TMEM204: variants seen among roughly 807,000 people sequenced by gnomAD.
The protein encoded by TMEM204 is claudin-like protein 24.
In TMEM204, 15 loss-of-function variants were observed where a neutral mutation model predicts 19.4. The observed-to-expected ratio is 0.77, with a 90% CI of 0.52 to 1.19. The LOEUF (loss-of-function observed/expected upper bound fraction) is 1.19. Among genes scored for constraint, TMEM204 ranks in the 50% most tolerant of loss-of-function variants. TMEM204 has a pLI of 0.00. For synonymous variants in TMEM204, 161 were observed against 146.0 expected (o/e 1.10, Z -0.74); for missense variants, 287 against 321.2 (o/e 0.89, Z 0.81).
intron 1 of TMEM204, among the ~76,000 whole-genome samples, chr16:1,535,891 T>C (rs117903220): frequency 0.012 from 1,766 of 152,308 alleles, 34 homozygotes; most frequent in Non-Finnish European, 0.014. Flanking sequence ...CTCGGTGTCT[T>C]ATGGGAAGCC....
At chr16:1,545,939 T>A (rs1357844007) in intron 2 of TMEM204, among the ~76,000 whole-genome samples, 2 of 152,228 alleles carry the variant, frequency 1.3e-5, no homozygotes, top group Non-Finnish European at 2.9e-5. Flanking sequence ...GCAGCTGAAA[T>A]GTGCGGGGAC....
chr16:1,548,506 C>T (rs1252477419), intron 2 of TMEM204, among the ~76,000 whole-genome samples: 2 of 152,226 alleles, frequency 1.3e-5, no homozygotes, highest in African/African-American at 2.4e-5. Flanking sequence ...GAATTGATTC[C>T]ATGGGCAGAA....
intron 2 of TMEM204, among the ~76,000 whole-genome samples, chr16:1,543,359 G>A (rs910676869): frequency 6.6e-6 from 1 of 152,252 alleles, no homozygotes; most frequent in African/African-American, 2.4e-5. Flanking sequence ...GACTGTGGGG[G>A]CAGGTATTCC....
rs2032592831 is a variant in TMEM204, at chr16:1,551,037, G to A, written c.437-3745G>A. ...GGCCAAAGGGCTCTGTCCCTTTGAG[G>A]GGTCCTGGTCACTCAACTGCCAAGG... is the stretch of plus-strand genomic sequence containing the variant. On this transcript the variant is annotated intron_variant, in intron 2 of 2. Transcript: ENST00000566264. This position sits in a 1 kb window ranked among gnomAD's most constrained non-coding sequence, Gnocchi z 4.0. Among the ~76,000 whole-genome samples, 1 of 152,206 alleles carries A rather than the reference G, an allele frequency of 6.6e-6. No homozygotes were observed. The highest frequency in any genetic ancestry group is 1.5e-5 in the Non-Finnish European group (1 of 68,032).
At chr16:1,541,093 T>TCA in intron 1 of TMEM204, 2 of 985,442 alleles carry the variant, frequency 2.0e-6, no homozygotes, top group Non-Finnish European at 2.4e-6. Context: ...TGAAGTTCAC[T>TCA]CACAGAAGGC....
intron 1 of TMEM204, chr16:1,541,017 G>C: frequency 2.0e-6 from 2 of 985,388 alleles, no homozygotes. Context: ...ATTTGCGGGA[G>C]AACATTTCTC....
At chr16:1,549,245 G>A (rs999011545) in intron 2 of TMEM204, among the ~76,000 whole-genome samples, 2 of 152,218 alleles carry the variant, frequency 1.3e-5, no homozygotes, top group African/African-American at 4.8e-5. Context: ...TCTCCACACA[G>A]AAGTCACGTA....
Position 1,554,737 on chromosome 16 carries a change from G to A in TMEM204, c.437-45G>A, listed in dbSNP as rs139314899. ...GAGGGCTGGGGAAGGAGTGGAACCC[G>A]CCTTCCTCTCAGACAAGGCCTCTCA... On this transcript the variant is annotated intron_variant, in intron 2 of 2. Coordinates refer to ENST00000566264, the MANE Select transcript of TMEM204 (RefSeq NM_024600.6). The A allele has an allele frequency of 1.0e-5, 16 of 1,604,066 alleles. No individual in the cohort carries two copies. In the Admixed American group the frequency reaches 1.7e-4, roughly 17 times the overall value.
At chr16:1,535,647 G>T (rs2030989095) in intron 1 of TMEM204, among the ~76,000 whole-genome samples, 1 of 152,198 alleles carries the variant, frequency 6.6e-6, no homozygotes, top group Admixed American at 6.5e-5. Flanking sequence ...CCTCAGCGGG[G>T]AATGTCATCC....
rs568853020 is a variant in TMEM204 at position 1,553,833 on chromosome 16, G to A, written c.437-949G>A. ...CTGGATTAGGACGCCCGGCTCCATC[G>A]CTGCGGCCACAGTGTCCTGTTATCC... On this transcript the variant is annotated intron_variant, in intron 2 of 2. Transcript: ENST00000566264. The surrounding 1 kb of genome is among the most constrained non-coding windows in gnomAD (Gnocchi z 4.4). The A allele has an allele frequency of 1.1e-5, 13 of 1,209,754 alleles. No homozygotes were observed. The highest frequency in any genetic ancestry group is 1.6e-5 in the African/African-American group (1 of 63,302). The allele number at this position is 1,209,754 out of a possible 1,614,324, so 74.9% of individuals were successfully genotyped here. A position where few individuals can be genotyped will look rare whatever the true frequency, so the allele number is the denominator to read the frequency against.
intron 1 of TMEM204, among the ~76,000 whole-genome samples, chr16:1,537,655 A>AG (rs2031206307): frequency 6.6e-6 from 1 of 152,270 alleles, no homozygotes; most frequent in East Asian, 1.9e-4. Flanking sequence ...CCATGTCCAG[A>AG]GGGGGTCTCA....
intron 2 of TMEM204, among the ~76,000 whole-genome samples, chr16:1,543,412 A>G (rs2031842903): frequency 6.6e-6 from 1 of 152,136 alleles, no homozygotes; most frequent in African/African-American, 2.4e-5. Context: ...GGGCTCTCTG[A>G]GCGCTATTAA....
intron 2 of TMEM204, among the ~76,000 whole-genome samples, chr16:1,543,613 A>G (rs577588062): frequency 7.3e-4 from 111 of 152,332 alleles, no homozygotes; most frequent in Non-Finnish European, 1.1e-3. Flanking sequence ...CCCAACTTCG[A>G]AAAGGGTAAT....
chr16:1,550,301 C>T (rs1462474755), intron 2 of TMEM204, among the ~76,000 whole-genome samples: 1 of 152,204 alleles, frequency 6.6e-6, no homozygotes, highest in Non-Finnish European at 1.5e-5. Context: ...GAGGCCTGAG[C>T]TCGTGTTTAT....
At position 1,534,559 on chromosome 16, in the gene TMEM204, A is replaced by AGTCCAATTGTTTTCCTGAT. The variant is rs1206927470; in HGVS notation, c.280+6_280+24dup. 6.2e-7 allele frequency: 1 copy of AGTCCAATTGTTTTCCTGAT among 1,601,518 alleles called. No individual in the cohort carries two copies. The highest frequency in any genetic ancestry group is 8.5e-7 in the Non-Finnish European group (1 of 1,179,532). ...GAGTCCCGAGGCACCGTCAAACGTA[A>AGTCCAATTGTTTTCCTGAT]GTCCAATTGTTTTCCTGATGCCTTC... On this transcript the variant is annotated splice_donor_region_variant and intron_variant, in intron 1 of 2. Coordinates refer to ENST00000566264, the MANE Select transcript of TMEM204 (RefSeq NM_024600.6).
Position 1,554,797 on chromosome 16 carries a change from T to C in TMEM204, c.452T>C (p.Ile151Thr), listed in dbSNP as rs372011293. 4 of 1,614,088 alleles carry C rather than the reference T, an allele frequency of 2.5e-6. No homozygotes were observed. In the African/African-American group the frequency reaches 5.3e-5, roughly 22 times the overall value. The change falls in exon 3 of 3, where the codon ATC becomes ACC. Residue 151 changes from isoleucine to threonine, a missense_variant. By Grantham distance (89) the Ile-to-Thr change is moderately conservative (BLOSUM62 -1). Coordinates refer to ENST00000566264, the MANE Select transcript of TMEM204 (RefSeq NM_024600.6). ...TCATCTGCAGGTTTTGTCCTGGTCA[T>C]CGGGCTCGTGACTTTCTACAGAATT... ...AFQLASFVLVIGLVTFYRIGP... is the reference protein window; with the variant it reads ...AFQLASFVLVTGLVTFYRIGP...
upstream of TMEM204, chr16:1,532,989 C>T (rs181151797): frequency 1.3e-5 from 2 of 152,498 alleles, no homozygotes; most frequent in Admixed American, 6.5e-5. Flanking sequence ...CGCTGAGAGC[C>T]CCACCCAGCA....
chr16:1,552,557 T>A (rs981651303), intron 2 of TMEM204, among the ~76,000 whole-genome samples: 16 of 151,908 alleles, frequency 1.1e-4, no homozygotes, highest in African/African-American at 3.4e-4. Context: ...AACACAAGCA[T>A]CGATACCACA....
chr16:1,530,687 GGAGGCCACCCGTGGGGAGCGGGAGA>G (rs1255698548), upstream of TMEM204: 2 of 149,142 alleles, frequency 1.3e-5, no homozygotes, highest in African/African-American at 5.1e-5. Context: ...TCTCCCACGC[GGAGGCCACCCGTGGGGAGCGGGAGA>G]GAGCCCGCCC....
Sources: gnomAD v4.1 joint callset for allele counts (sites outside exome capture counted in the v4.1 genomes callset) on GRCh38, gnomAD v4.1.1 for gene constraint, Gnocchi (gnomAD v3.1) non-coding constraint, MANE v1.5 for transcripts, NCBI Gene and HGNC (gene_info 2026-07-23, HGNC 2026-07-21) for gene names.